Variants in PXDNL observed in about 807,000 individuals in gnomAD.
PXDNL encodes probable oxidoreductase PXDNL.
Under a neutral mutation model 150.8 loss-of-function variants are expected in PXDNL, and 145 were observed. The observed-to-expected ratio is 0.96, with a 90% CI of 0.84 to 1.10. The LOEUF is 1.10. PXDNL is among the 50% of genes least tolerant of loss of function. PXDNL has a pLI of 0.00. For missense variants in PXDNL, 2,087 were observed against 1,873.9 expected, an observed-to-expected ratio of 1.11 and a Z score of -2.10; for synonymous variants, 757 against 725.7, an observed-to-expected ratio of 1.04 and a Z score of -0.69.
intron 4 of PXDNL, among the ~76,000 whole-genome samples, chr8:51,543,073 A>G (rs780377738): frequency 6.6e-6 from 1 of 152,176 alleles, no homozygotes; most frequent in Non-Finnish European, 1.5e-5. Context: ...CATTACCTCT[A>G]GATTTCAGAG....
intron 12 of PXDNL, among the ~76,000 whole-genome samples, chr8:51,433,840 A>G (rs1189965582): frequency 6.6e-6 from 1 of 152,052 alleles, no homozygotes; most frequent in Non-Finnish European, 1.5e-5. Context: ...TTCAATAAAC[A>G]TTTTTCCAAC....
chr8:51,576,665 G>A (rs987209957), intron 3 of PXDNL, among the ~76,000 whole-genome samples: 33 of 151,422 alleles, frequency 2.2e-4, no homozygotes, highest in Non-Finnish European at 4.6e-4. Context: ...ATAAAAATAA[G>A]CAAAACTTAA....
At chr8:51,595,870 A>G (rs552168621) in intron 2 of PXDNL, among the ~76,000 whole-genome samples, 1 of 152,196 alleles carries the variant, frequency 6.6e-6, no homozygotes, top group Non-Finnish European at 1.5e-5. Flanking sequence ...GGAAGTCATC[A>G]GGCTGATTTA....
intron 1 of PXDNL, among the ~76,000 whole-genome samples, chr8:51,804,512 CT>C (rs1315177586): frequency 1.3e-5 from 2 of 152,106 alleles, no homozygotes; most frequent in African/African-American, 4.8e-5. Flanking sequence ...TTCACCATCC[CT>C]TTTTACTCCA....
chr8:51,662,644 T>C (rs1285032849), intron 1 of PXDNL, among the ~76,000 whole-genome samples: 1 of 152,186 alleles, frequency 6.6e-6, no homozygotes, highest in Non-Finnish European at 1.5e-5. Flanking sequence ...TTATTGAAAG[T>C]ATGGGGGAGA....
At chr8:51,376,975 C>T (rs1807336717) in intron 17 of PXDNL, among the ~76,000 whole-genome samples, 1 of 152,106 alleles carries the variant, frequency 6.6e-6, no homozygotes, top group Non-Finnish European at 1.5e-5. Flanking sequence ...TCCTCAGCCT[C>T]CCAAAGTGCT....
At chr8:51,616,946 T>C (rs1814143252) in intron 2 of PXDNL, among the ~76,000 whole-genome samples, 1 of 152,204 alleles carries the variant, frequency 6.6e-6, no homozygotes, top group Admixed American at 6.5e-5. Context: ...AGTATTATTT[T>C]AATTGTTTTT....
At chr8:51,567,776 G>A (rs1812857636) in intron 3 of PXDNL, among the ~76,000 whole-genome samples, 1 of 151,698 alleles carries the variant, frequency 6.6e-6, no homozygotes, top group Non-Finnish European at 1.5e-5. Context: ...AGATGCTCAA[G>A]TTCTGATATA....
At chr8:51,501,188 G>A (rs1020946393) in intron 4 of PXDNL, among the ~76,000 whole-genome samples, 3 of 152,110 alleles carry the variant, frequency 2.0e-5, no homozygotes, top group Non-Finnish European at 1.5e-5. Context: ...ACATTTTACC[G>A]TGGTGACATT....
chr8:51,342,772 A>G (rs1021599542), intron 20 of PXDNL, among the ~76,000 whole-genome samples: 1 of 151,866 alleles, frequency 6.6e-6, no homozygotes, highest in Non-Finnish European at 1.5e-5. Context: ...ATAAGACACT[A>G]TAACTAGCCT....
intron 8 of PXDNL, among the ~76,000 whole-genome samples, chr8:51,463,434 T>C (rs1477958050): frequency 6.6e-6 from 1 of 152,202 alleles, no homozygotes; most frequent in African/African-American, 2.4e-5. Context: ...TGGAGAAAGA[T>C]TTCTCATGTA....
intron 1 of PXDNL, among the ~76,000 whole-genome samples, chr8:51,667,119 C>T (rs1815402086): frequency 6.6e-6 from 1 of 152,050 alleles, no homozygotes; most frequent in Non-Finnish European, 1.5e-5. Context: ...TAGAAAATAC[C>T]CATCTGTCTT....
chr8:51,732,715 G>A (rs933261017), intron 1 of PXDNL, among the ~76,000 whole-genome samples: 2 of 152,176 alleles, frequency 1.3e-5, no homozygotes, highest in African/African-American at 4.8e-5. Flanking sequence ...GAAGGCAAAG[G>A]AGAAGCAAAG....
intron 3 of PXDNL, among the ~76,000 whole-genome samples, chr8:51,561,587 T>C (rs748106492): frequency 6.6e-5 from 10 of 151,796 alleles, no homozygotes; most frequent in African/African-American, 9.7e-5. Context: ...TGGATTAACA[T>C]TGAGGACATT....
chr8:51,448,580 CTG>C (rs1325345517), intron 11 of PXDNL, among the ~76,000 whole-genome samples: 1 of 152,032 alleles, frequency 6.6e-6, no homozygotes, highest in Non-Finnish European at 1.5e-5. Flanking sequence ...TGGCGGGCAC[CTG>C]TAGTCCCAGC....
At chr8:51,346,949 T>C (rs968817904) in intron 19 of PXDNL, among the ~76,000 whole-genome samples, 1 of 151,988 alleles carries the variant, frequency 6.6e-6, no homozygotes, top group African/African-American at 2.4e-5. Flanking sequence ...AAATTTCATA[T>C]GAAAACAGAT....
intron 20 of PXDNL, among the ~76,000 whole-genome samples, chr8:51,341,228 T>C (rs967342271): frequency 6.6e-6 from 1 of 152,174 alleles, no homozygotes; most frequent in East Asian, 1.9e-4. Flanking sequence ...AAATAAGAGG[T>C]ATAACCTTGT....
intron 1 of PXDNL, among the ~76,000 whole-genome samples, chr8:51,771,700 GAAAC>G (rs1187368702): frequency 6.6e-6 from 1 of 152,166 alleles, no homozygotes; most frequent in Non-Finnish European, 1.5e-5. Flanking sequence ...ACAAAAGAGA[GAAAC>G]AGAGAAACAG....
chr8:51,378,782 C>T (rs549849146), intron 17 of PXDNL, among the ~76,000 whole-genome samples: 30 of 149,250 alleles, frequency 2.0e-4, no homozygotes, highest in African/African-American at 7.2e-4. Flanking sequence ...ACACTCACTG[C>T]GAAGGTCTGC....
Sources: gnomAD v4.1 joint callset for allele counts (sites outside exome capture counted in the v4.1 genomes callset) on GRCh38, gnomAD v4.1.1 for gene constraint, MANE v1.5 for transcripts, NCBI Gene and HGNC (gene_info 2026-07-23, HGNC 2026-07-21) for gene names.